LRFN2: variants seen among roughly 807,000 people sequenced by gnomAD.
The protein encoded by LRFN2 is leucine rich repeat and fibronectin type III domain containing 2.
LRFN2 carries 18 observed loss-of-function variants against 37.3 expected under a neutral mutation model. The ratio of observed to expected loss-of-function variants is 0.48; its 90% CI spans 0.33 to 0.72. LRFN2 has a LOEUF of 0.72. Among genes scored for constraint, LRFN2 ranks in the 30% least tolerant of loss-of-function variants. The pLI is 0.02. For missense variants in LRFN2, 1,006 were observed against 1,060.7 expected (o/e 0.95, Z 0.72); for synonymous variants, 556 against 466.6 (o/e 1.19, Z -2.47).
At chr6:40,440,888 AACT>A (rs1272206592) in intron 1 of LRFN2, among the ~76,000 whole-genome samples, 2 of 152,134 alleles carry the variant, frequency 1.3e-5, no homozygotes, top group African/African-American at 4.8e-5. Context: ...TACCCAAATA[AACT>A]ACTTACACTC....
chr6:40,492,444 A>G (rs949347899), intron 1 of LRFN2, among the ~76,000 whole-genome samples: 5 of 152,206 alleles, frequency 3.3e-5, no homozygotes, highest in Non-Finnish European at 7.3e-5. Flanking sequence ...AGGTTAAATC[A>G]GATCCACATG....
chr6:40,415,621 T>G (rs1316244505), intron 2 of LRFN2, among the ~76,000 whole-genome samples: 1 of 152,204 alleles, frequency 6.6e-6, no homozygotes, highest in African/African-American at 2.4e-5. Flanking sequence ...CTAGCATATA[T>G]TTGCACAGCA....
intron 2 of LRFN2, among the ~76,000 whole-genome samples, chr6:40,404,574 C>T (rs1439957593): frequency 6.6e-6 from 1 of 152,194 alleles, no homozygotes; most frequent in Non-Finnish European, 1.5e-5. Flanking sequence ...TTGGACAGTG[C>T]CACTGTGTGA....
At chr6:40,420,936 C>T (rs546725457) in intron 2 of LRFN2, among the ~76,000 whole-genome samples, 18 of 152,322 alleles carry the variant, frequency 1.2e-4, no homozygotes, top group Admixed American at 3.3e-4. Flanking sequence ...CAATGAGGCC[C>T]ACCCCTAATG....
chr6:40,419,678 CTG>C (rs1336567978), intron 2 of LRFN2, among the ~76,000 whole-genome samples: 3 of 152,144 alleles, frequency 2.0e-5, no homozygotes, highest in African/African-American at 7.2e-5. Flanking sequence ...ATTCCTGCCT[CTG>C]TCTCTGTCTT....
intron 1 of LRFN2, among the ~76,000 whole-genome samples, chr6:40,531,526 G>C (rs1004972517): frequency 6.6e-6 from 1 of 152,178 alleles, no homozygotes; most frequent in African/African-American, 2.4e-5. Flanking sequence ...TCTTCTGAGA[G>C]TGTCTGTCTC....
intron 1 of LRFN2, among the ~76,000 whole-genome samples, chr6:40,517,809 T>A (rs1765926848): frequency 6.6e-6 from 1 of 152,060 alleles, no homozygotes; most frequent in African/African-American, 2.4e-5. Flanking sequence ...GGGAGAGAGT[T>A]TATGGGATTA....
Position 40,395,795 on chromosome 6 carries a change from A to G in LRFN2, c.1401-2883T>C, listed in dbSNP as rs144166004. Among the ~76,000 whole-genome samples, 856 of 152,336 alleles carry G rather than the reference A, an allele frequency of 5.6e-3. 5 individuals are homozygous for G. The highest frequency in any genetic ancestry group is 9.7e-3 in the Non-Finnish European group (658 of 68,028). On this transcript the variant is annotated intron_variant, in intron 2 of 2. Transcript: ENST00000338305. ...GCAAAGATAACATGGCAGAGCTGGG[A>G]TTAAATCCCAGGGAGGCCACCGTCA... is the stretch of plus-strand genomic sequence containing the variant.
At chr6:40,522,907 G>A (rs1340506753) in intron 1 of LRFN2, among the ~76,000 whole-genome samples, 1 of 152,218 alleles carries the variant, frequency 6.6e-6, no homozygotes, top group Non-Finnish European at 1.5e-5. Flanking sequence ...TGAGTGTAAG[G>A]TGCAGGGCCT....
intron 1 of LRFN2, among the ~76,000 whole-genome samples, chr6:40,561,397 C>T (rs1402460535): frequency 2.0e-5 from 3 of 152,176 alleles, no homozygotes; most frequent in East Asian, 1.9e-4. Flanking sequence ...AGGCAATGGC[C>T]GGTTGGGGAC....
At chr6:40,510,737 T>A (rs1441234877) in intron 1 of LRFN2, among the ~76,000 whole-genome samples, 1 of 152,184 alleles carries the variant, frequency 6.6e-6, no homozygotes, top group African/African-American at 2.4e-5. Flanking sequence ...ACAGGGATGC[T>A]GTTTTGCATT....
At chr6:40,472,420 C>T (rs536263502) in intron 1 of LRFN2, among the ~76,000 whole-genome samples, 223 of 152,358 alleles carry the variant, frequency 1.5e-3, no homozygotes, top group African/African-American at 5.3e-3. Context: ...CTGCTGTTGG[C>T]CACAGCAGCA....
chr6:40,420,359 A>G (rs536824936), intron 2 of LRFN2, among the ~76,000 whole-genome samples: 20 of 152,370 alleles, frequency 1.3e-4, no homozygotes, highest in Admixed American at 1.3e-3. Context: ...CATCACACAC[A>G]TTCATGCCAG....
intron 2 of LRFN2, among the ~76,000 whole-genome samples, chr6:40,410,349 GA>G (rs1762940668): frequency 1.3e-5 from 2 of 152,154 alleles, no homozygotes; most frequent in Non-Finnish European, 2.9e-5. Context: ...GGGGAGGCAG[GA>G]GGAAGGGGAT....
chr6:40,508,592 G>A (rs1488731914), intron 1 of LRFN2, among the ~76,000 whole-genome samples: 2 of 152,148 alleles, frequency 1.3e-5, no homozygotes, highest in Non-Finnish European at 2.9e-5. Flanking sequence ...GGGTCACCTC[G>A]AGCAAGGTAC....
chr6:40,553,414 C>T lies in LRFN2; in HGVS notation c.-19+33527G>A, dbSNP rs141866982. On this transcript the variant is annotated intron_variant, in intron 1 of 2. Coordinates refer to ENST00000338305, the MANE Select transcript of LRFN2 (RefSeq NM_020737.3). ...GAAACTGAGTCACGTCAAAGGAAAGCTGGATACTCTCTAAGTGAAGGAAGC... is the reference window on the plus strand; with the variant it reads ...GAAACTGAGTCACGTCAAAGGAAAGTTGGATACTCTCTAAGTGAAGGAAGC... Among the ~76,000 whole-genome samples the T allele has an allele frequency of 5.9e-5, 9 of 152,306 alleles. 1 individual carries two copies. The East Asian group carries it at 1.7e-3, about 29-fold the overall frequency.
intron 1 of LRFN2, among the ~76,000 whole-genome samples, chr6:40,561,853 C>A (rs1188429032): frequency 2.0e-5 from 3 of 151,984 alleles, no homozygotes. Flanking sequence ...GGAGGCCCAC[C>A]CCAGGCTCAG....
intron 1 of LRFN2, among the ~76,000 whole-genome samples, chr6:40,497,019 C>A (rs1160864017): frequency 6.6e-6 from 1 of 152,166 alleles, no homozygotes; most frequent in African/African-American, 2.4e-5. Context: ...TGTAATAGAG[C>A]TTTGCAATCT....
At chr6:40,441,220 C>T (rs191461677) in intron 1 of LRFN2, among the ~76,000 whole-genome samples, 7 of 152,248 alleles carry the variant, frequency 4.6e-5, no homozygotes, top group Admixed American at 6.5e-5. Flanking sequence ...TCTTGAGACA[C>T]GTGTGAGCCA....
Sources: gnomAD v4.1 joint callset for allele counts (sites outside exome capture counted in the v4.1 genomes callset) on GRCh38, gnomAD v4.1.1 for gene constraint, MANE v1.5 for transcripts, NCBI Gene and HGNC (gene_info 2026-07-23, HGNC 2026-07-21) for gene names.